The following VWCE variants were observed in gnomAD, a reference collection of about 807,000 sequenced individuals.
The protein encoded by VWCE is von Willebrand factor C and EGF domains.
In VWCE, 68 loss-of-function variants were observed where a neutral mutation model predicts 102.9. The ratio of observed to expected loss-of-function variants is 0.66; its 90% confidence interval spans 0.54 to 0.81. VWCE has a LOEUF of 0.81. Ranked by LOEUF, VWCE falls within the 30% of genes least tolerant of loss-of-function variation. VWCE has a pLI of 0.00. For missense variants in VWCE, 1,137 were observed against 1,263.6 expected (o/e 0.90, Z 1.52); for synonymous variants, 497 against 515.4 (o/e 0.96, Z 0.48).
At chr11:61,274,422 G>A in intron 12 of VWCE, 77 bp downstream of exon 12, 2 of 1,410,734 alleles carry the variant, frequency 1.4e-6, no homozygotes, top group Non-Finnish European at 2.0e-6. Context: ...TCCTAGTCAT[G>A]TCAACCTGAG....
chr11:61,286,000 C>T (rs527597505), intron 5 of VWCE, among the ~76,000 whole-genome samples: 5 of 152,168 alleles, frequency 3.3e-5, no homozygotes, highest in South Asian at 4.1e-4. Context: ...GTGATCCTCC[C>T]GCCTTGACCT....
chr11:61,282,996 T>G (rs1332799711), intron 5 of VWCE, 91 bp from the exon 6 acceptor site: 3 of 1,102,774 alleles, frequency 2.7e-6, no homozygotes, highest in Admixed American at 3.4e-5. Flanking sequence ...CTCCATCTCC[T>G]ATACACACAG....
chr11:61,286,525 G>A (rs1284433644), intron 4 of VWCE, 95 bp from the exon 5 acceptor site: 14 of 1,174,462 alleles, frequency 1.2e-5, no homozygotes, highest in African/African-American at 6.0e-5. Flanking sequence ...CTTGCAGGCC[G>A]GGCATGGTGG....
In VWCE at chr11:61,294,898, G is replaced by A. The variant is rs1347031298; in HGVS notation, c.110+30C>T. 7.4e-7 allele frequency: 1 copy of A among 1,354,754 alleles called. No homozygotes were observed. The highest frequency in any genetic ancestry group is 9.6e-7 in the Non-Finnish European group (1 of 1,043,570). The allele number at this position is 1,354,754 out of a possible 1,614,324, so 83.9% of individuals were successfully genotyped here. On this transcript the variant is annotated intron_variant, in intron 1 of 19. Transcript: ENST00000335613. This position sits in a 1 kb window ranked among gnomAD's most constrained non-coding sequence, Gnocchi z 6.3. ...CACGCCGGTAGCGCTCTCCCGGGCGGGGGAGCGGGGAGGAGCTCCGGGCGC... is the reference window on the plus strand; with the variant it reads ...CACGCCGGTAGCGCTCTCCCGGGCGAGGGAGCGGGGAGGAGCTCCGGGCGC...
chr11:61,275,778 C>A (rs1197255985), intron 11 of VWCE, among the ~76,000 whole-genome samples: 1 of 152,102 alleles, frequency 6.6e-6, no homozygotes, highest in African/African-American at 2.4e-5. Context: ...AGCAATGAAG[C>A]CATCCCAGGA....
rs1271916078 is a variant in VWCE, at chr11:61,271,697, G to A, written c.1763C>T (p.Pro588Leu). Residue 588 changes from proline (P) to leucine (L), a missense_variant, in exon 14 of 20, where the codon CCC (proline) becomes CTC (leucine). Physicochemically the swap from Pro to Leu is moderately conservative, Grantham distance 98. Transcript: ENST00000335613. Reference protein sequence around the residue: ...PIGQIWSPGDPCELCICQADG... With the variant: ...PIGQIWSPGDLCELCICQADG... ...CACCTGGCAGATGCATAACTCACAG[G>A]GGTCACCAGGCGACCAGATCTGTCC... is the stretch of plus-strand genomic sequence containing the variant. 1.9e-6 allele frequency: 3 copies of A among 1,613,236 alleles called. No homozygotes were observed. Among genetic ancestry groups the A allele is most frequent in the African/African-American group, 1.3e-5 (1 of 74,898 alleles).
chr11:61,279,620 A>C (rs1331798948), intron 9 of VWCE, among the ~76,000 whole-genome samples: 1 of 152,170 alleles, frequency 6.6e-6, no homozygotes, highest in Non-Finnish European at 1.5e-5. Context: ...TTTAACCCTT[A>C]GGAAGACTTT....
chr11:61,295,081 C>A lies in VWCE; in HGVS notation c.-44G>T. On this transcript the variant is annotated 5_prime_UTR_variant, in exon 1 of 20. Transcript: ENST00000335613. This position sits in a 1 kb window ranked among gnomAD's most constrained non-coding sequence, Gnocchi z 4.6. ...CCCCGGGCTGGGCTCGGCTCCTGCG[C>A]CGCGCGCGGGAGAGGGGGCTGCCGG... 2 of 1,245,358 alleles carry A rather than the reference C, an allele frequency of 1.6e-6. No homozygotes were observed. The highest frequency in any genetic ancestry group is 2.4e-5 in the South Asian group (1 of 41,518). The allele number at this position is 1,245,358 out of a possible 1,614,324, so 77.1% of individuals were successfully genotyped here. A position where few individuals can be genotyped will look rare whatever the true frequency, so the allele number is the denominator to read the frequency against.
Position 61,286,406 on chromosome 11 carries a change from GA to G in VWCE, c.448del (p.Ser150ProfsTer7). 1 of 1,612,778 alleles carries G rather than the reference GA, an allele frequency of 6.2e-7. No individual in the cohort carries two copies. Among genetic ancestry groups the G allele is most frequent in the Non-Finnish European group, 8.5e-7 (1 of 1,180,022 alleles). ...CTDIDECVTS[S>X]CEGHCVNTEG... ...TGTGTTCACACAGTGGCCCTCGCAGGAGGAGGTTACACATTCGTCAATGTCT... is the reference window on the plus strand; with the variant it reads ...TGTGTTCACACAGTGGCCCTCGCAGGGGAGGTTACACATTCGTCAATGTCT... On this transcript the variant is annotated frameshift_variant, in exon 5 of 20. Coordinates refer to ENST00000335613, the MANE Select transcript of VWCE (RefSeq NM_152718.2). LOFTEE classifies it high-confidence loss of function.
intron 10 of VWCE, among the ~76,000 whole-genome samples, chr11:61,277,664 A>G (rs533855688): frequency 1.3e-5 from 2 of 152,196 alleles, no homozygotes; most frequent in East Asian, 3.9e-4. Flanking sequence ...CAGAGCCCTG[A>G]CTTTGGGCTC....
chr11:61,261,407 A>G (rs1854354716), intron 19 of VWCE, among the ~76,000 whole-genome samples: 1 of 151,848 alleles, frequency 6.6e-6, no homozygotes, highest in Admixed American at 6.5e-5. Context: ...ATTGTATGAC[A>G]TATGAACTTT....
chr11:61,290,973 CA>C, intron 3 of VWCE, 46 bp from the exon 4 acceptor site: 1 of 1,584,920 alleles, frequency 6.3e-7, no homozygotes, highest in Non-Finnish European at 8.6e-7. Flanking sequence ...GTGGCAGTCC[CA>C]ACCATCCCCA....
intron 1 of VWCE, among the ~76,000 whole-genome samples, chr11:61,292,216 G>T (rs1590662939): frequency 6.7e-6 from 1 of 148,662 alleles, no homozygotes; most frequent in South Asian, 2.1e-4. Flanking sequence ...GAGCCAGACC[G>T]TCTCAAAACA....
At chr11:61,276,890 G>A (rs116777723) in intron 10 of VWCE, among the ~76,000 whole-genome samples, 4 of 131,600 alleles carry the variant, frequency 3.0e-5, no homozygotes, top group Non-Finnish European at 6.5e-5. Flanking sequence ...GATGGGGGGA[G>A]GGGGAGGGAG....
At position 61,264,520 on chromosome 11, in the gene VWCE, G is replaced by A. The variant is rs60854777; in HGVS notation, c.2197C>T (p.Leu733=). ...PCQRACADPA[L]LPGDCCSSCP... is the part of the protein sequence containing the mutation. ...GAAGAGCAGCAGTCCCCAGGAAGCA[G>A]GGCAGGGTCGGCACAGGCCCGCTGG... is the stretch of plus-strand genomic sequence containing the variant. Residue 733 remains leucine (L), a synonymous_variant, in exon 19 of 20, where the codon CTG becomes TTG. Transcript: ENST00000335613. 4.3e-4 allele frequency: 694 copies of A among 1,613,622 alleles called. 5 individuals are homozygous for A. The African/African-American group carries it at 7.6e-3, about 18-fold the overall frequency.
intron 17 of VWCE, 42 bp from the exon 18 acceptor site, chr11:61,265,080 C>G (rs750811041): frequency 6.2e-7 from 1 of 1,613,782 alleles, no homozygotes; most frequent in African/African-American, 1.3e-5. Context: ...GAGCCGAGGC[C>G]TGGCCGGGAA....
In VWCE at chr11:61,273,185, C is replaced by T; in HGVS notation, c.1699+14G>A. On this transcript the variant is annotated intron_variant, in intron 13 of 19. Coordinates refer to ENST00000335613, the MANE Select transcript of VWCE (RefSeq NM_152718.2). The stretch of plus-strand genomic sequence containing the variant: ...ATCCATGCCCTGTGTCGGGGCAGCC[C>T]TGGACCAGCTCACCTGTCGAGGGTG... 3 of 1,613,828 alleles carry T rather than the reference C, an allele frequency of 1.9e-6. No homozygotes were observed. Among genetic ancestry groups the T allele is most frequent in the Non-Finnish European group, 2.5e-6 (3 of 1,179,768 alleles).
Position 61,280,625 on chromosome 11 carries a change from T to C in VWCE, c.1323A>G (p.Thr441=), listed in dbSNP as rs1409159002. The change falls in exon 9 of 20, where the codon ACA becomes ACG. Residue 441 remains threonine, a splice_region_variant and synonymous_variant. Transcript: ENST00000335613. ...TCCTTCCCTGGCACCAGCTCTCACC[T>C]GTGCACGATGGGCAGCACCCACCAT... The part of the protein sequence containing the change: ...SRDGGCCPSC[T]GCFHSGVVRA... 2.5e-6 allele frequency: 4 copies of C among 1,613,954 alleles called. No individual in the cohort carries two copies. Among genetic ancestry groups the C allele is most frequent in the Non-Finnish European group, 3.4e-6 (4 of 1,179,898 alleles).
chr11:61,260,071 A>G (rs1854307866), intron 19 of VWCE, among the ~76,000 whole-genome samples: 1 of 152,164 alleles, frequency 6.6e-6, no homozygotes, highest in Non-Finnish European at 1.5e-5. Context: ...CCTGGTCAAC[A>G]TGGTGAAACC....
Sources: allele counts gnomAD v4.1 joint callset (sites outside exome capture counted in the v4.1 genomes callset), GRCh38; gene constraint gnomAD v4.1.1; non-coding constraint Gnocchi (gnomAD v3.1); transcripts MANE v1.5; gene names NCBI Gene and HGNC (gene_info 2026-07-23, HGNC 2026-07-21).